DDX17: variants seen among roughly 807,000 people sequenced by gnomAD.
DDX17 encodes the protein probable ATP-dependent RNA helicase DDX17.
A neutral mutation model predicts 80.8 loss-of-function variants in DDX17; 10 were observed. The ratio of observed to expected loss-of-function variants is 0.12; its 90% CI spans 0.08 to 0.21. The LOEUF is 0.21. Ranked by LOEUF, DDX17 falls within the 10% of genes least tolerant of loss-of-function variation. DDX17 has a pLI of 1.00. For missense variants in DDX17, 586 were observed against 957.4 expected (o/e 0.61, Z 5.12); for synonymous variants, 339 against 336.2 (o/e 1.01, Z -0.09).
In DDX17 at chr22:38,499,413, A is replaced by G; in HGVS notation, c.525T>C (p.His175=). 6.2e-7 allele frequency: 1 copy of G among 1,613,784 alleles called. No individual in the cohort carries two copies. The highest frequency in any genetic ancestry group is 8.5e-7 in the Non-Finnish European group (1 of 1,179,640). ...AAGAACACTTACGTGGGAAGTTAGC[A>G]TGATGGAAGGCAAACACGGGTTTAG... Residue 175 remains histidine (H), a synonymous_variant, in exon 3 of 13, where the codon CAT becomes CAC. Transcript: ENST00000403230.
chr22:38,484,117 C>T lies in DDX17; in HGVS notation c.*1818G>A, dbSNP rs1467067458. On this transcript the variant is annotated 3_prime_UTR_variant, in exon 13 of 13. Transcript: ENST00000403230. ...GAATTTGGTTGTAGAAAACAATGCC[C>T]ACAACAGACTGGCCAGTGCTTAGAC... 6.6e-6 allele frequency: 1 copy of T among 152,252 alleles called. No individual in the cohort carries two copies. Among genetic ancestry groups the T allele is most frequent in the African/African-American group, 2.4e-5 (1 of 41,302 alleles). 9.4% of individuals were successfully genotyped at this position (152,252 alleles called of 1,614,324 possible).
chr22:38,496,506 T>C (rs1272581190), intron 5 of DDX17, among the ~76,000 whole-genome samples: 1 of 152,190 alleles, frequency 6.6e-6, no homozygotes, highest in Admixed American at 6.5e-5. Context: ...GGCACCACCA[T>C]GCCCAGCTAA....
At chr22:38,499,694 G>A (rs1448268442) in intron 2 of DDX17, among the ~76,000 whole-genome samples, 195 bp from the exon 3 acceptor site, 1 of 152,148 alleles carries the variant, frequency 6.6e-6, no homozygotes, top group East Asian at 1.9e-4. Flanking sequence ...AATGATGTAG[G>A]TGATTAAGAG....
Position 38,489,667 on chromosome 22 carries a change from G to C in DDX17, c.1448-1552C>G. The C allele has an allele frequency of 2.0e-6, 2 of 985,220 alleles. No individual in the cohort carries two copies. The highest frequency in any genetic ancestry group is 2.4e-6 in the Non-Finnish European group (2 of 829,916). 61.0% of individuals were successfully genotyped at this position (985,220 alleles called of 1,614,324 possible). A position where few individuals can be genotyped will look rare whatever the true frequency, so the allele number is the denominator to read the frequency against. On this transcript the variant is annotated intron_variant, in intron 11 of 12. Coordinates refer to ENST00000403230, the MANE Select transcript of DDX17 (RefSeq NM_006386.5). The surrounding 1 kb of genome is among the most constrained non-coding windows in gnomAD (Gnocchi z 4.6). ...TTGTTACAGGGCTTGTGAAGAAGGG[G>C]CATTATGTCTGTTTCTTATTACAAT...
At chr22:38,486,654 C>T (rs1224026918) in intron 12 of DDX17, among the ~76,000 whole-genome samples, 1 of 152,144 alleles carries the variant, frequency 6.6e-6, no homozygotes, top group Non-Finnish European at 1.5e-5. Context: ...GGACACTAGA[C>T]CTTTTCACCC....
In DDX17 at chr22:38,489,646, T is replaced by C. The variant is rs2052771812; in HGVS notation, c.1448-1531A>G. ...TTAAAAAAAAAAAATTAGCTGTTGT[T>C]ACAGGGCTTGTGAAGAAGGGGCATT... On this transcript the variant is annotated intron_variant, in intron 11 of 12. Coordinates refer to ENST00000403230, the MANE Select transcript of DDX17 (RefSeq NM_006386.5). This position sits in a 1 kb window ranked among gnomAD's most constrained non-coding sequence, Gnocchi z 4.6. 1.0e-6 allele frequency: 1 copy of C among 985,188 alleles called. No homozygotes were observed. Among genetic ancestry groups the C allele is most frequent in the Non-Finnish European group, 1.2e-6 (1 of 829,908 alleles). The allele number at this position is 985,188 out of a possible 1,614,324, so 61.0% of individuals were successfully genotyped here.
Position 38,486,363 on chromosome 22 carries a change from G to A in DDX17, c.1762C>T (p.Leu588Phe), listed in dbSNP as rs1292970425. Residue 588 changes from leucine (L) to phenylalanine (F), a missense_variant, in exon 13 of 13, where the codon CTT (leucine) becomes TTT (phenylalanine). Leu to Phe is a conservative substitution (Grantham distance 22, BLOSUM62 0). Coordinates refer to ENST00000403230, the MANE Select transcript of DDX17 (RefSeq NM_006386.5). ...CGGCCACCATCCTTGACTCCTCGAA[G>A]CCTTCGGTCACACTCATCCTGATAC... The A allele has an allele frequency of 6.2e-7, 1 of 1,614,180 alleles. No individual in the cohort carries two copies.
At chr22:38,498,858 A>T (rs2089796927) in intron 3 of DDX17, among the ~76,000 whole-genome samples, 1 of 152,204 alleles carries the variant, frequency 6.6e-6, no homozygotes, top group African/African-American at 2.4e-5. Flanking sequence ...TCTACTAAAA[A>T]TACAAAAATT....
chr22:38,500,843 A>AAAAAAAAAAAAAAAAAAAAAAAAC (rs2089821457), intron 2 of DDX17, among the ~76,000 whole-genome samples: 1 of 137,524 alleles, frequency 7.3e-6, no homozygotes, highest in African/African-American at 2.6e-5. Flanking sequence ...AAAAAAAAAA[A>AAAAAAAAAAAAAAAAAAAAAAAAC]AAATCAGCTG....
At chr22:38,495,979 T>TTA (rs768465024) in intron 5 of DDX17, 42 bp from the exon 6 acceptor site, 10 of 803,926 alleles carry the variant, frequency 1.2e-5, no homozygotes, top group African/African-American at 8.5e-5. Context: ...ATCCAAGGTT[T>TTA]AAAAAAAAAA....
At chr22:38,488,682 CTCT>C in intron 11 of DDX17, 1 of 987,818 alleles carries the variant, frequency 1.0e-6, no homozygotes, top group Non-Finnish European at 1.2e-6. Context: ...ACTTTTTTTG[CTCT>C]TATCTTTTTA....
intron 1 of DDX17, among the ~76,000 whole-genome samples, chr22:38,501,805 C>T (rs1373387576): frequency 1.3e-5 from 2 of 152,150 alleles, no homozygotes; most frequent in African/African-American, 2.4e-5. Context: ...TACTAGGTAC[C>T]AAGTATGTAT....
chr22:38,500,382 C>T (rs976566942), intron 2 of DDX17, among the ~76,000 whole-genome samples: 2 of 152,062 alleles, frequency 1.3e-5, no homozygotes, highest in Admixed American at 6.6e-5. Context: ...GTGGCTCACA[C>T]CCATAATCCC....
Position 38,505,989 on chromosome 22 carries a change from T to G in DDX17, c.249A>C (p.Gly83=). 6.4e-7 allele frequency: 1 copy of G among 1,565,512 alleles called. No individual in the cohort carries two copies. Among genetic ancestry groups the G allele is most frequent in the East Asian group, 2.4e-5 (1 of 42,156 alleles). ...GATCCCGGTCCCGGTCCCCAAAGCC[T>G]CCTCCGCGCATGGTCCCAAAAGGAT... is the stretch of plus-strand genomic sequence containing the variant. Residue 83 remains glycine (G), a synonymous_variant, in exon 1 of 13, where the codon GGA becomes GGC. Coordinates refer to ENST00000403230, the MANE Select transcript of DDX17 (RefSeq NM_006386.5).
intron 6 of DDX17, among the ~76,000 whole-genome samples, chr22:38,495,497 G>A (rs556298757): frequency 3.9e-5 from 6 of 152,016 alleles, no homozygotes; most frequent in Non-Finnish European, 8.8e-5. Context: ...CGCCCACCTC[G>A]GCCTCCCAAA....
In DDX17 at chr22:38,484,669, A is replaced by T. The variant is rs1231586961; in HGVS notation, c.*1266T>A. On this transcript the variant is annotated 3_prime_UTR_variant, in exon 13 of 13. Coordinates refer to ENST00000403230, the MANE Select transcript of DDX17 (RefSeq NM_006386.5). Reference sequence around the variant, plus strand: ...GGTCCATCTGCTATAAAGTCTTGGTAAAACAGCATTACCATGAAGAGGATG... The same window carrying T: ...GGTCCATCTGCTATAAAGTCTTGGTTAAACAGCATTACCATGAAGAGGATG... 1 of 152,262 alleles carries T rather than the reference A, an allele frequency of 6.6e-6. No individual in the cohort carries two copies. Among genetic ancestry groups the T allele is most frequent in the East Asian group, 1.9e-4 (1 of 5,202 alleles). 9.4% of individuals were successfully genotyped at this position (152,262 alleles called of 1,614,324 possible).
intron 1 of DDX17, among the ~76,000 whole-genome samples, chr22:38,501,776 T>C (rs1378726566): frequency 6.6e-6 from 1 of 152,214 alleles, no homozygotes; most frequent in Non-Finnish European, 1.5e-5. Context: ...ATTCAACAAA[T>C]AGTTATTAGG....
At chr22:38,490,152 T>C in intron 11 of DDX17, 1 of 1,155,556 alleles carries the variant, frequency 8.7e-7, no homozygotes, top group South Asian at 1.8e-5. Flanking sequence ...GAATTTGGTT[T>C]TCTCCAGTCA....
At chr22:38,504,403 G>A (rs1569144340) in intron 1 of DDX17, among the ~76,000 whole-genome samples, 1 of 152,096 alleles carries the variant, frequency 6.6e-6, no homozygotes, top group Non-Finnish European at 1.5e-5. Context: ...AGGATCCTGG[G>A]GTACCTGTGC....
Sources: allele counts gnomAD v4.1 joint callset (sites outside exome capture counted in the v4.1 genomes callset), GRCh38; gene constraint gnomAD v4.1.1; non-coding constraint Gnocchi (gnomAD v3.1); transcripts MANE v1.5; gene names NCBI Gene and HGNC (gene_info 2026-07-23, HGNC 2026-07-21).